The following MAP3K19 variants were observed in gnomAD, a reference collection of about 807,000 sequenced individuals.
MAP3K19 encodes SPS1/STE20-related protein kinase YSK4.
Under a neutral mutation model 114.4 loss-of-function variants are expected in MAP3K19, and 91 were observed. The observed-to-expected ratio is 0.80, with a 90% CI of 0.67 to 0.95. The LOEUF (loss-of-function observed/expected upper bound fraction) is 0.95, where lower values mean the gene tolerates loss of function less well. Among genes scored for constraint, MAP3K19 ranks in the 40% least tolerant of loss-of-function variants. The probability of loss-of-function intolerance (pLI) is 0.00; values close to 1 mark genes in which losing one functional copy is unlikely to be tolerated. For missense variants in MAP3K19, 1,471 were observed against 1,573.2 expected (o/e 0.94, Z 1.10); for synonymous variants, 518 against 530.5 (o/e 0.98, Z 0.32).
At chr2:135,044,690 G>A (rs931070071) in intron 1 of MAP3K19, among the ~76,000 whole-genome samples, 3 of 152,178 alleles carry the variant, frequency 2.0e-5, no homozygotes, top group African/African-American at 7.2e-5. Flanking sequence ...ACCTTAGCTA[G>A]ATGGGGATGA....
rs761415011 is a variant in MAP3K19 at position 134,987,147 on chromosome 2, C to T, written c.1725G>A (p.Pro575=). 37 of 1,613,980 alleles carry T rather than the reference C, an allele frequency of 2.3e-5. No individual in the cohort carries two copies. Among genetic ancestry groups the T allele is most frequent in the South Asian group, 8.8e-5 (8 of 91,086 alleles). Residue 575 remains proline (P), a synonymous_variant, in exon 10 of 13, where the codon CCG becomes CCA. Transcript: ENST00000392915. ...GCCTGGGGTCCACAAGTCCCAAAGC[C>T]GGGAAAATTTGTGTTTTTATGCTGG... ...HKTSIKTQIF[P]ALGLVDPRPW...
intron 1 of MAP3K19, among the ~76,000 whole-genome samples, chr2:135,041,677 A>G (rs1422922692): frequency 6.6e-6 from 1 of 152,102 alleles, no homozygotes; most frequent in Non-Finnish European, 1.5e-5. Flanking sequence ...GTCAGGCTCT[A>G]TACTCCAACT....
intron 5 of MAP3K19, 75 bp downstream of exon 5, chr2:135,021,640 G>C: frequency 1.3e-6 from 1 of 754,614 alleles, no homozygotes; most frequent in Non-Finnish European, 2.2e-6. Flanking sequence ...TGAGTGTTAT[G>C]AAGTATTCAA....
intron 6 of MAP3K19, among the ~76,000 whole-genome samples, chr2:135,002,227 G>T (rs62168907): frequency 0.041 from 6,309 of 152,104 alleles, 158 homozygotes; most frequent in African/African-American, 0.054. Flanking sequence ...ACATAGCCAC[G>T]AATATATTTT....
At chr2:135,008,163 C>T (rs768627757) in intron 5 of MAP3K19, among the ~76,000 whole-genome samples, 2 of 151,748 alleles carry the variant, frequency 1.3e-5, no homozygotes, top group Non-Finnish European at 2.9e-5. Context: ...TGCTCTGTCG[C>T]CCAGGCTGGA....
At chr2:134,989,493 A>T (rs1204388921) in intron 9 of MAP3K19, among the ~76,000 whole-genome samples, 1 of 152,178 alleles carries the variant, frequency 6.6e-6, no homozygotes, top group Non-Finnish European at 1.5e-5. Context: ...GATTTTCCTC[A>T]TTTCTCAAAA....
intron 12 of MAP3K19, among the ~76,000 whole-genome samples, chr2:134,968,947 T>C (rs562311915): frequency 2.3e-3 from 342 of 150,136 alleles, no homozygotes; most frequent in African/African-American, 7.2e-3. Context: ...CCAGAAGGGG[T>C]GGCGGCCGGG....
intron 5 of MAP3K19, among the ~76,000 whole-genome samples, chr2:135,021,441 T>C (rs543910340): frequency 1.2e-4 from 18 of 151,318 alleles, no homozygotes; most frequent in African/African-American, 3.9e-4. Context: ...TACTTTGTTA[T>C]AGCAGCCAGA....
intron 10 of MAP3K19, among the ~76,000 whole-genome samples, chr2:134,984,566 C>T (rs1684956110): frequency 6.6e-6 from 1 of 152,148 alleles, no homozygotes; most frequent in Non-Finnish European, 1.5e-5. Context: ...GCCAGACTTG[C>T]AGTAAGTCAG....
At chr2:134,965,953 G>A (rs563072519) in intron 12 of MAP3K19, among the ~76,000 whole-genome samples, 8 of 151,928 alleles carry the variant, frequency 5.3e-5, no homozygotes, top group African/African-American at 1.2e-4. Context: ...ATCTACTTTC[G>A]TAGCTCCCAC....
At chr2:135,032,161 A>G (rs1447762325) in intron 2 of MAP3K19, among the ~76,000 whole-genome samples, 1 of 152,138 alleles carries the variant, frequency 6.6e-6, no homozygotes, top group Non-Finnish European at 1.5e-5. Flanking sequence ...GTTCAAGACC[A>G]GCCTGGCCAA....
In MAP3K19 at chr2:134,998,809, A is replaced by G; in HGVS notation, c.503T>C (p.Leu168Pro). ...TCTGGTTACAGACTTGGAAATGTTC[A>G]GTTCTAAACAAGATCTTGGTAGCAA... ...GFLLPRSCLE[L>P]NISKSVTRED... The change falls in exon 8 of 13, where the codon CTG (leucine) becomes CCG (proline). Residue 168 changes from leucine (L) to proline (P), a missense_variant. Coordinates refer to ENST00000392915, the MANE Select transcript of MAP3K19 (RefSeq NM_025052.5). 1 of 1,614,064 alleles carries G rather than the reference A, an allele frequency of 6.2e-7. No individual in the cohort carries two copies. The highest frequency in any genetic ancestry group is 1.1e-5 in the South Asian group (1 of 91,058).
intron 1 of MAP3K19, among the ~76,000 whole-genome samples, chr2:135,041,213 T>C (rs1204990474): frequency 6.6e-6 from 1 of 152,202 alleles, no homozygotes. Flanking sequence ...AGGAGCACAG[T>C]GCCCACTGTT....
chr2:134,984,296 T>C (rs1684930423), intron 10 of MAP3K19, among the ~76,000 whole-genome samples: 1 of 152,134 alleles, frequency 6.6e-6, no homozygotes, highest in African/African-American at 2.4e-5. Context: ...GACACACACA[T>C]AGAGACACAC....
intron 12 of MAP3K19, among the ~76,000 whole-genome samples, chr2:134,968,679 G>C (rs575932605): frequency 1.3e-5 from 2 of 151,182 alleles, no homozygotes; most frequent in African/African-American, 2.4e-5. Context: ...ACGGGGTCGC[G>C]GCCGGGCAGA....
At chr2:135,011,397 C>G (rs1462655053) in intron 5 of MAP3K19, among the ~76,000 whole-genome samples, 1 of 151,830 alleles carries the variant, frequency 6.6e-6, no homozygotes, top group Non-Finnish European at 1.5e-5. Flanking sequence ...ATTAGCCAGG[C>G]GTAGTGGCGG....
At position 135,033,343 on chromosome 2, in the gene MAP3K19, G is replaced by A. The variant is rs1267569196; in HGVS notation, c.-283-2843C>T. Among the ~76,000 whole-genome samples the A allele has an allele frequency of 2.3e-4, 27 of 116,786 alleles. 6 individuals carry two copies. The highest frequency in any genetic ancestry group is 3.5e-4 in the African/African-American group (8 of 22,638). 76.6% of individuals were successfully genotyped at this position (116,786 alleles called of 152,430 possible). ...TGGGCAGAGGCGCCCCTCACCTCCC[G>A]GACGGGGCAGCTGGCCGGGTGGGGG... is the stretch of plus-strand genomic sequence containing the variant. On this transcript the variant is annotated intron_variant, in intron 2 of 12. Coordinates refer to ENST00000392915, the MANE Select transcript of MAP3K19 (RefSeq NM_025052.5).
At chr2:135,044,451 A>G (rs1028561989) in intron 1 of MAP3K19, among the ~76,000 whole-genome samples, 17 of 152,164 alleles carry the variant, frequency 1.1e-4, no homozygotes, top group Non-Finnish European at 2.1e-4. Context: ...TTAGCCAGGC[A>G]TGGTGGTGCA....
chr2:135,004,266 A>G (rs2105309631), intron 6 of MAP3K19, among the ~76,000 whole-genome samples: 1 of 152,348 alleles, frequency 6.6e-6, no homozygotes, highest in Non-Finnish European at 1.5e-5. Context: ...TCGAAGGAGG[A>G]CTGCAAGGAC....
Sources: gnomAD v4.1 joint callset for allele counts (sites outside exome capture counted in the v4.1 genomes callset) on GRCh38, gnomAD v4.1.1 for gene constraint, MANE v1.5 for transcripts, NCBI Gene and HGNC (gene_info 2026-07-23, HGNC 2026-07-21) for gene names.